DLL3: variants seen among roughly 807,000 people sequenced by gnomAD.
The protein encoded by DLL3 is delta like canonical Notch ligand 3.
DLL3 carries 49 observed loss-of-function variants against 55.0 expected under a neutral mutation model. That is an observed-to-expected ratio of 0.89 (90% CI 0.71 to 1.13). DLL3 has a LOEUF of 1.13. Among genes scored for constraint, DLL3 ranks in the 50% most tolerant of loss-of-function variants. The pLI, the probability that DLL3 is intolerant of heterozygous loss-of-function variation, is 0.00. For missense variants in DLL3, 962 were observed against 875.5 expected (o/e 1.10, Z -1.25); for synonymous variants, 421 against 385.2 (o/e 1.09, Z -1.09).
At position 39,504,253 on chromosome 19, in the gene DLL3, G is replaced by C. The variant is rs762991216; in HGVS notation, c.835G>C (p.Asp279His). Reference protein sequence around the residue: ...GCLVPGPGPCDGNPCANGGSC... With the variant: ...GCLVPGPGPCHGNPCANGGSC... The stretch of plus-strand genomic sequence containing the variant: ...CCTTGTCCCTGGGCCTGGGCCCTGT[G>C]ACGGGAACCCGTGTGCCAATGGAGG... Residue 279 changes from aspartate to histidine, a missense_variant, in exon 5 of 9, where the codon GAC (aspartate) becomes CAC (histidine). Transcript: ENST00000356433. 6.2e-7 allele frequency: 1 copy of C among 1,613,046 alleles called. No individual in the cohort carries two copies. The highest frequency in any genetic ancestry group is 8.5e-7 in the Non-Finnish European group (1 of 1,180,040).
chr19:39,502,830 T>C lies in DLL3; in HGVS notation c.425T>C (p.Leu142Pro). 2 of 1,421,980 alleles carry C rather than the reference T, an allele frequency of 1.4e-6. No individual in the cohort carries two copies. Among genetic ancestry groups the C allele is most frequent in the South Asian group, 3.0e-5 (2 of 66,630 alleles). The allele number at this position is 1,421,980 out of a possible 1,614,324, so 88.1% of individuals were successfully genotyped here. ...GDQIGGPAWS[L>P]LARVAGRRRL... ...GTCCTCGCAGGGCCCGCCTGGAGCC[T>C]GCTGGCGCGCGTGGCTGGCAGGCGG... The change falls in exon 4 of 9, where the codon CTG becomes CCG. Residue 142 changes from leucine to proline, a missense_variant. Physicochemically the swap from Leu to Pro is moderately conservative, Grantham distance 98 (BLOSUM62 -3). Transcript: ENST00000356433.
At position 39,507,619 on chromosome 19, in the gene DLL3, G is replaced by T; in HGVS notation, c.1673+1G>T. On this transcript the variant is annotated splice_donor_variant, in intron 7 of 8. Coordinates refer to ENST00000356433, the MANE Select transcript of DLL3 (RefSeq NM_203486.3). LOFTEE classifies it high-confidence loss of function. ...AGGAGGGTTCCGGGGATGGTCCGAG[G>T]TGAGGGGCTGCGCCACAGACGAACG... 2 of 1,604,970 alleles carry T rather than the reference G, an allele frequency of 1.2e-6. No homozygotes were observed. The highest frequency in any genetic ancestry group is 1.7e-6 in the Non-Finnish European group (2 of 1,176,308).
chr19:39,505,549 T>A, intron 6 of DLL3, 98 bp downstream of exon 6: 1 of 1,396,792 alleles, frequency 7.2e-7, no homozygotes, highest in Non-Finnish European at 9.9e-7. Context: ...CTTCTAACCC[T>A]AGGGCCTGGG....
intron 3 of DLL3, among the ~76,000 whole-genome samples, chr19:39,501,128 TAG>T (rs2079607466): frequency 6.6e-6 from 1 of 152,058 alleles, no homozygotes; most frequent in African/African-American, 2.4e-5. Context: ...GCCTCCCAAG[TAG>T]CTGGGATTAC....
intron 6 of DLL3, among the ~76,000 whole-genome samples, chr19:39,506,387 T>G: frequency 7.0e-6 from 1 of 142,558 alleles, no homozygotes. Flanking sequence ...AAAAAAAAGA[T>G]CATGAATGTA....
intron 7 of DLL3, 65 bp from the exon 8 acceptor site, chr19:39,507,765 G>C (rs1378398130): frequency 6.2e-7 from 1 of 1,608,642 alleles, no homozygotes; most frequent in African/African-American, 1.3e-5. Context: ...TTTGTGATGG[G>C]TAGGGGAAAA....
chr19:39,502,900 A>G lies in DLL3; in HGVS notation c.495A>G (p.Ala165=), dbSNP rs1196134419. ...CGTGGGCCCGGGACATTCAGCGCGCAGGCGCCTGGGAGCTGCGCTTCTCGT... is the reference window on the plus strand; with the variant it reads ...CGTGGGCCCGGGACATTCAGCGCGCGGGCGCCTGGGAGCTGCGCTTCTCGT... ...GGPWARDIQR[A]GAWELRFSYR... is the part of the protein sequence containing the mutation. The change falls in exon 4 of 9, where the codon GCA becomes GCG. Residue 165 remains alanine (A), a synonymous_variant. Transcript: ENST00000356433. 3 of 1,441,608 alleles carry G rather than the reference A, an allele frequency of 2.1e-6. No homozygotes were observed. Among genetic ancestry groups the G allele is most frequent in the African/African-American group, 3.0e-5 (2 of 67,216 alleles). 89.3% of individuals were successfully genotyped at this position (1,441,608 alleles called of 1,614,324 possible).
chr19:39,505,605 T>C (rs1212745965), intron 6 of DLL3, 154 bp downstream of exon 6: 2 of 704,552 alleles, frequency 2.8e-6, no homozygotes, highest in East Asian at 2.7e-5. Context: ...CAAGGAGACA[T>C]TCCCTATCTC....
chr19:39,503,924 T>A (rs2079625195), intron 4 of DLL3, 147 bp from the exon 5 acceptor site: 1 of 806,708 alleles, frequency 1.2e-6, no homozygotes, highest in Admixed American at 2.0e-5. Context: ...GCGGTCACAG[T>A]ACCATCTAGT....
In DLL3 at chr19:39,505,471, A is replaced by T. The variant is rs770788839; in HGVS notation, c.1093+20A>T. The T allele has an allele frequency of 2.5e-6, 4 of 1,612,666 alleles. No homozygotes were observed. Among genetic ancestry groups the T allele is most frequent in the Non-Finnish European group, 3.4e-6 (4 of 1,179,116 alleles). Reference sequence around the variant, plus strand: ...GCAATGGTGAGGCCTGGAGGCCTGAACGGCGAGGGATGGGGTGGGGGTCCT... The same window carrying T: ...GCAATGGTGAGGCCTGGAGGCCTGATCGGCGAGGGATGGGGTGGGGGTCCT... On this transcript the variant is annotated intron_variant, in intron 6 of 8. Coordinates refer to ENST00000356433, the MANE Select transcript of DLL3 (RefSeq NM_203486.3).
rs376053501 is a variant in DLL3, at chr19:39,498,965, C to T, written c.-10C>T. The T allele has an allele frequency of 4.3e-6, 7 of 1,613,894 alleles. No homozygotes were observed. In the African/African-American group the frequency reaches 9.4e-5, roughly 22 times the overall value. Reference sequence around the variant, plus strand: ...AGCTGCGACTCCCGAGACCCCCCCACCAGAAGGCCATGGTCTCCCCACGGA... The same window carrying T: ...AGCTGCGACTCCCGAGACCCCCCCATCAGAAGGCCATGGTCTCCCCACGGA... On this transcript the variant is annotated 5_prime_UTR_variant, in exon 1 of 9. Transcript: ENST00000356433.
intron 1 of DLL3, 46 bp from the exon 2 acceptor site, chr19:39,499,146 C>G (rs994059262): frequency 6.2e-7 from 1 of 1,604,944 alleles, no homozygotes. Context: ...GGACGGGAAG[C>G]CTGGGTCCTC....
Position 39,508,329 on chromosome 19 carries a change from C to A in DLL3, c.*72C>A. 6.4e-7 allele frequency: 1 copy of A among 1,564,064 alleles called. No homozygotes were observed. Among genetic ancestry groups the A allele is most frequent in the South Asian group, 1.1e-5 (1 of 90,020 alleles). On this transcript the variant is annotated 3_prime_UTR_variant, in exon 9 of 9. Transcript: ENST00000356433. ...TTTGCTCGGTGGTGCCCAGTCTCTG[C>A]CCCAGAGGCTTTGGAGTTCAATCTT...
In DLL3 at chr19:39,499,195, C is replaced by T. The variant is rs2079594203; in HGVS notation, c.73C>T (p.Arg25Trp). The change falls in exon 2 of 9, where the codon CGG (arginine) becomes TGG (tryptophan). Residue 25 changes from arginine to tryptophan, a missense_variant. Transcript: ENST00000356433. ...ILALIFLPQT[R>W]PAGVFELQIH... The stretch of plus-strand genomic sequence containing the variant: ...CCTGCGCCCGTCTCCGTCCCAGACA[C>T]GGCCCGCTGGCGTCTTCGAGCTGCA... 2.5e-6 allele frequency: 4 copies of T among 1,578,872 alleles called. No homozygotes were observed. Among genetic ancestry groups the T allele is most frequent in the South Asian group, 1.1e-5 (1 of 88,666 alleles).
intron 7 of DLL3, 53 bp from the exon 8 acceptor site, chr19:39,507,777 A>G: frequency 1.2e-6 from 2 of 1,612,804 alleles, no homozygotes; most frequent in Non-Finnish European, 1.7e-6. Flanking sequence ...AGGGGAAAAC[A>G]AGATCTGAGA....
In DLL3 at chr19:39,507,088, C is replaced by G. The variant is rs367573123; in HGVS notation, c.1143C>G (p.Ala381=). ...ACGCCCTGCGCTGCCGCTGCCGCGC[C>G]GGCTTCGCGGGTCCTCGCTGCGAGC... ...LGHALRCRCR[A]GFAGPRCEHD... Residue 381 remains alanine (A), a synonymous_variant, in exon 7 of 9, where the codon GCC becomes GCG. Coordinates refer to ENST00000356433, the MANE Select transcript of DLL3 (RefSeq NM_203486.3). The G allele has an allele frequency of 1.2e-5, 18 of 1,543,004 alleles. No homozygotes were observed. The highest frequency in any genetic ancestry group is 1.5e-5 in the Non-Finnish European group (17 of 1,151,508).
rs1568452075 is a variant in DLL3, at chr19:39,507,927, C to T, written c.1758+13C>T. The stretch of plus-strand genomic sequence containing the variant: ...CTACGCTCGGGAGGTAGCGACGCCC[C>T]TTTTCCCCCCGCTACACACTGGGCG... On this transcript the variant is annotated intron_variant, in intron 8 of 8. Transcript: ENST00000356433. 3 of 1,614,176 alleles carry T rather than the reference C, an allele frequency of 1.9e-6. No homozygotes were observed. Among genetic ancestry groups the T allele is most frequent in the Non-Finnish European group, 2.5e-6 (3 of 1,180,032 alleles).
At chr19:39,505,545 A>C (rs951697382) in intron 6 of DLL3, 94 bp downstream of exon 6, 1 of 1,428,440 alleles carries the variant, frequency 7.0e-7, no homozygotes. Flanking sequence ...GACTCTTCTA[A>C]CCCTAGGGCC....
chr19:39,505,112 C>T (rs2079632199), intron 5 of DLL3, 117 bp from the exon 6 acceptor site: 3 of 1,060,190 alleles, frequency 2.8e-6, no homozygotes, highest in Non-Finnish European at 4.3e-6. Flanking sequence ...AGGGTGGCCC[C>T]TGCATAGTGG....
Sources: gnomAD v4.1 joint callset for allele counts (sites outside exome capture counted in the v4.1 genomes callset) on GRCh38, gnomAD v4.1.1 for gene constraint, MANE v1.5 for transcripts, NCBI Gene and HGNC (gene_info 2026-07-23, HGNC 2026-07-21) for gene names.